The following PHF21B variants were observed in gnomAD, a reference collection of about 807,000 sequenced individuals.
The protein encoded by PHF21B is PHD finger protein 4.
In PHF21B, 22 loss-of-function variants were observed where a neutral mutation model predicts 62.2. That is an observed-to-expected ratio of 0.35 (90% CI 0.25 to 0.51). The LOEUF (loss-of-function observed/expected upper bound fraction) is 0.51. Among genes scored for constraint, PHF21B ranks in the 20% least tolerant of loss-of-function variants. PHF21B has a pLI of 0.97. For synonymous variants in PHF21B, 341 were observed against 314.7 expected (o/e 1.08, Z -0.88); for missense variants, 701 against 707.9 (o/e 0.99, Z 0.11).
intron 11 of PHF21B, 51 bp downstream of exon 11, chr22:44,885,812 G>T (rs984320905): frequency 8.9e-6 from 14 of 1,564,566 alleles, no homozygotes; most frequent in Non-Finnish European, 1.1e-5. Context: ...AGGCCTGGGT[G>T]GGGGAGGAGG....
In PHF21B at chr22:45,009,791, G is replaced by A; in HGVS notation, c.-242C>T. On this transcript the variant is annotated 5_prime_UTR_variant, in exon 1 of 13. Transcript: ENST00000313237. The surrounding 1 kb of genome is among the most constrained non-coding windows in gnomAD (Gnocchi z 5.9). ...CTCCTCAGGCTGCCCGGCAAGTTGC[G>A]CCGGGTCCCCGGGCTGCCGGCGCGG... The A allele has an allele frequency of 4.2e-6, 1 of 236,556 alleles. No homozygotes were observed. The highest frequency in any genetic ancestry group is 8.1e-6 in the Non-Finnish European group (1 of 123,070). 14.7% of individuals were successfully genotyped at this position (236,556 alleles called of 1,614,324 possible).
chr22:44,942,750 C>T (rs1422184719), intron 2 of PHF21B, among the ~76,000 whole-genome samples: 1 of 152,158 alleles, frequency 6.6e-6, no homozygotes, highest in Non-Finnish European at 1.5e-5. Context: ...GGCAGGACCA[C>T]CCAGGCTTCC....
intron 3 of PHF21B, among the ~76,000 whole-genome samples, chr22:44,918,751 C>G (rs1306247116): frequency 6.6e-6 from 1 of 152,194 alleles, no homozygotes; most frequent in African/African-American, 2.4e-5. Flanking sequence ...ACAGCAAGGA[C>G]AAAACATGGA....
At position 44,896,088 on chromosome 22, in the gene PHF21B, G is replaced by T. The variant is rs1229352469; in HGVS notation, c.832-5C>A. The T allele has an allele frequency of 6.2e-7, 1 of 1,614,110 alleles. No homozygotes were observed. Among genetic ancestry groups the T allele is most frequent in the South Asian group, 1.1e-5 (1 of 91,084 alleles). ...CGCTACCATGAAGGCGATTTTCTGAGGGAAGGAACAGACAAAGGAGCATTA... is the reference window on the plus strand; with the variant it reads ...CGCTACCATGAAGGCGATTTTCTGATGGAAGGAACAGACAAAGGAGCATTA... On this transcript the variant is annotated splice_region_variant and splice_polypyrimidine_tract_variant and intron_variant, in intron 5 of 12. Transcript: ENST00000313237.
At position 44,939,264 on chromosome 22, in the gene PHF21B, G is replaced by T. The variant is rs189251567; in HGVS notation, c.121-18774C>A. 3.9e-5 allele frequency among the ~76,000 whole-genome samples: 6 copies of T among 152,326 alleles called. No individual in the cohort carries two copies. The East Asian group carries it at 1.2e-3, about 29-fold the overall frequency. On this transcript the variant is annotated intron_variant, in intron 2 of 12. Coordinates refer to ENST00000313237, the MANE Select transcript of PHF21B (RefSeq NM_138415.5). ...AGGCAGGAGACGCTCCTTCACCCAC[G>T]GCTGGGGAGACTCTGAAGCTCCAGG... is the stretch of plus-strand genomic sequence containing the variant.
intron 12 of PHF21B, among the ~76,000 whole-genome samples, chr22:44,883,819 A>T (rs939780838): frequency 1.3e-5 from 2 of 152,124 alleles, no homozygotes; most frequent in African/African-American, 4.8e-5. Context: ...CCTCCCCGAG[A>T]TGGTTTCTAA....
intron 2 of PHF21B, chr22:44,971,034 A>C (rs2072627084): frequency 6.6e-6 from 1 of 152,312 alleles, no homozygotes; most frequent in African/African-American, 2.4e-5. Context: ...CCATTCCAGC[A>C]GTACCAGCAG....
At chr22:44,891,231 G>A in intron 8 of PHF21B, 75 bp downstream of exon 8, 1 of 1,543,652 alleles carries the variant, frequency 6.5e-7, no homozygotes, top group South Asian at 1.2e-5. Context: ...CCAGGCCCAG[G>A]CGTGGAGGAC....
At chr22:44,891,199 A>T (rs1047690328) in intron 8 of PHF21B, 107 bp downstream of exon 8, 32 of 1,254,132 alleles carry the variant, frequency 2.6e-5, no homozygotes, top group Non-Finnish European at 3.1e-5. Flanking sequence ...AGGTCAGACC[A>T]GTGGGAGGCG....
intron 2 of PHF21B, among the ~76,000 whole-genome samples, chr22:44,930,484 G>C (rs903055938): frequency 2.0e-5 from 3 of 152,060 alleles, no homozygotes; most frequent in African/African-American, 4.8e-5. Flanking sequence ...GTGTCTGAGT[G>C]GCACCTTGCA....
intron 2 of PHF21B, among the ~76,000 whole-genome samples, chr22:44,978,204 T>C (rs1460705325): frequency 6.6e-6 from 1 of 152,156 alleles, no homozygotes; most frequent in African/African-American, 2.4e-5. Context: ...CCCTCATCTT[T>C]ACTAGATGTT....
In PHF21B at chr22:44,891,600, G is replaced by A. The variant is rs138732360; in HGVS notation, c.961-240C>T. Among the ~76,000 whole-genome samples the A allele has an allele frequency of 2.4e-4, 37 of 152,310 alleles. No individual in the cohort carries two copies. The East Asian group carries it at 7.0e-3, about 29-fold the overall frequency. ...TCGGCAAAGGCTCTGCCTGCAGGAG[G>A]CCTAGGACACCCTCTCTGCACCCAT... On this transcript the variant is annotated intron_variant, in intron 7 of 12. Transcript: ENST00000313237.
intron 2 of PHF21B, among the ~76,000 whole-genome samples, chr22:44,950,535 G>A (rs534038181): frequency 6.6e-6 from 1 of 152,244 alleles, no homozygotes; most frequent in African/African-American, 2.4e-5. Context: ...AGTCAACTAA[G>A]TGGTGGCCTT....
At chr22:44,891,485 G>A (rs1459995684) in intron 7 of PHF21B, 125 bp from the exon 8 acceptor site, 1 of 1,122,160 alleles carries the variant, frequency 8.9e-7, no homozygotes, top group African/African-American at 1.5e-5. Context: ...GCTCTGGCTG[G>A]ACACCCCCTG....
At chr22:44,960,236 C>T (rs2072390527) in intron 2 of PHF21B, among the ~76,000 whole-genome samples, 1 of 152,232 alleles carries the variant, frequency 6.6e-6, no homozygotes, top group African/African-American at 2.4e-5. Flanking sequence ...TCCTGCTGAT[C>T]TTCAGTTGTC....
chr22:44,987,487 C>T (rs1364902231), intron 2 of PHF21B, among the ~76,000 whole-genome samples: 2 of 152,192 alleles, frequency 1.3e-5, no homozygotes, highest in East Asian at 3.8e-4. Flanking sequence ...TGTGAGCACA[C>T]AGCGGTGCAA....
chr22:44,930,127 G>A (rs557983549), intron 2 of PHF21B, among the ~76,000 whole-genome samples: 68 of 152,210 alleles, frequency 4.5e-4, no homozygotes, highest in Admixed American at 1.2e-3. Context: ...CTGCGTCTGC[G>A]CACAGCCTGA....
intron 3 of PHF21B, among the ~76,000 whole-genome samples, chr22:44,916,939 A>C (rs906227253): frequency 6.6e-6 from 1 of 152,266 alleles, no homozygotes; most frequent in Non-Finnish European, 1.5e-5. Flanking sequence ...GCGAGGGGAC[A>C]GTCTGTGCAG....
intron 7 of PHF21B, among the ~76,000 whole-genome samples, chr22:44,892,878 C>T (rs2070990794): frequency 6.6e-6 from 1 of 152,156 alleles, no homozygotes; most frequent in Non-Finnish European, 1.5e-5. Context: ...CTTGTGCTCC[C>T]CTATGGCATC....
Sources: gnomAD v4.1 joint callset for allele counts (sites outside exome capture counted in the v4.1 genomes callset) on GRCh38, gnomAD v4.1.1 for gene constraint, Gnocchi (gnomAD v3.1) non-coding constraint, MANE v1.5 for transcripts, NCBI Gene and HGNC (gene_info 2026-07-23, HGNC 2026-07-21) for gene names.